The following RBFOX1 variants were observed in gnomAD, a reference collection of about 807,000 sequenced individuals.
RBFOX1 encodes RNA binding fox-1 homolog 1, also known as RNA binding protein fox-1 homolog 1.
Under a neutral mutation model 57.7 loss-of-function variants are expected in RBFOX1, and 8 were observed. The ratio of observed to expected loss-of-function variants is 0.14; its 90% CI spans 0.08 to 0.25. RBFOX1 has a LOEUF of 0.25. Ranked by LOEUF, RBFOX1 falls within the 10% of genes least tolerant of loss-of-function variation. RBFOX1 has a pLI of 1.00. For missense variants in RBFOX1, 611 were observed against 548.5 expected (o/e 1.11, Z -1.14); for synonymous variants, 326 against 222.4 (o/e 1.47, Z -4.15).
At chr16:7,540,095 A>T (rs776518514) in intron 5 of RBFOX1, among the ~76,000 whole-genome samples, 1 of 152,174 alleles carries the variant, frequency 6.6e-6, no homozygotes, top group Non-Finnish European at 1.5e-5. Flanking sequence ...GCAGAAAGAC[A>T]TGTGCCTCAT....
intron 1 of RBFOX1, among the ~76,000 whole-genome samples, chr16:5,449,175 GC>G (rs1465593140): frequency 6.6e-6 from 1 of 152,114 alleles, no homozygotes; most frequent in African/African-American, 2.4e-5. Context: ...CCTGCCCAAA[GC>G]CCCACTCCCG....
At chr16:7,242,296 A>C (rs1230635934) in intron 4 of RBFOX1, among the ~76,000 whole-genome samples, 1 of 152,222 alleles carries the variant, frequency 6.6e-6, no homozygotes, top group African/African-American at 2.4e-5. Context: ...AATAAAACAC[A>C]TGGAAAAATA....
intron 1 of RBFOX1, among the ~76,000 whole-genome samples, chr16:5,255,661 C>T (rs1332172800): frequency 1.3e-5 from 2 of 151,514 alleles, no homozygotes; most frequent in African/African-American, 4.8e-5. Flanking sequence ...TCCATTCATT[C>T]GTCCACCTGC....
At chr16:7,269,132 A>G (rs1274830167) in intron 4 of RBFOX1, among the ~76,000 whole-genome samples, 1 of 152,028 alleles carries the variant, frequency 6.6e-6, no homozygotes. Flanking sequence ...CCTCTGAAAA[A>G]ATATGAAATA....
At chr16:6,027,788 T>C (rs1401022095) in intron 1 of RBFOX1, among the ~76,000 whole-genome samples, 1 of 152,146 alleles carries the variant, frequency 6.6e-6, no homozygotes, top group Non-Finnish European at 1.5e-5. Context: ...CTTCGTATAT[T>C]TTCCTCTTGA....
chr16:6,966,891 C>T (rs1019663581), intron 3 of RBFOX1, among the ~76,000 whole-genome samples: 3 of 111,832 alleles, frequency 2.7e-5, no homozygotes, highest in Non-Finnish European at 5.5e-5. Flanking sequence ...ATCTATTCAT[C>T]TCTCCATCCA....
chr16:6,223,967 C>T (rs181150585), intron 1 of RBFOX1, among the ~76,000 whole-genome samples: 9 of 152,250 alleles, frequency 5.9e-5, no homozygotes, highest in Non-Finnish European at 8.8e-5. Context: ...GACTCCTTTC[C>T]CCATTGCTTG....
At chr16:5,264,106 C>G (rs2062802916) in intron 1 of RBFOX1, among the ~76,000 whole-genome samples, 2 of 151,882 alleles carry the variant, frequency 1.3e-5, no homozygotes, top group Non-Finnish European at 2.9e-5. Context: ...GAAGGTAAAG[C>G]AAGAAGGAAA....
chr16:7,460,407 GTGTGTGTGTGTA>G lies in RBFOX1; in HGVS notation c.28-57738_28-57727del, dbSNP rs1272424708. Among the ~76,000 whole-genome samples, 31 of 64,846 alleles carry G rather than the reference GTGTGTGTGTGTA, an allele frequency of 4.8e-4. No homozygotes were observed. In the South Asian group the frequency reaches 0.014, roughly 29 times the overall value. 42.5% of individuals were successfully genotyped at this position (64,846 alleles called of 152,430 possible). On this transcript the variant is annotated intron_variant, in intron 4 of 15. Coordinates refer to ENST00000550418, the MANE Select transcript of RBFOX1 (RefSeq NM_018723.4). ...TATATATATGTGTGTGTGTGTGTGT[GTGTGTGTGTGTA>G]TATACATATGTGTGTGTATATATGT...
intron 1 of RBFOX1, among the ~76,000 whole-genome samples, chr16:6,070,873 A>G (rs1198791023): frequency 6.6e-6 from 1 of 151,620 alleles, no homozygotes; most frequent in Non-Finnish European, 1.5e-5. Flanking sequence ...ATTTGACAGT[A>G]GCCGTATAAT....
intron 2 of RBFOX1, among the ~76,000 whole-genome samples, chr16:5,514,319 G>A (rs2043711671): frequency 6.6e-6 from 1 of 152,186 alleles, no homozygotes; most frequent in African/African-American, 2.4e-5. Flanking sequence ...GGGACAGACA[G>A]GCTCGTCTGG....
intron 4 of RBFOX1, among the ~76,000 whole-genome samples, chr16:7,386,795 A>G (rs987873943): frequency 6.6e-6 from 1 of 152,124 alleles, no homozygotes; most frequent in Non-Finnish European, 1.5e-5. Flanking sequence ...TCCTTGAGGA[A>G]TCGCCACACT....
At chr16:7,635,389 A>G (rs1425897585) in intron 11 of RBFOX1, among the ~76,000 whole-genome samples, 2 of 152,234 alleles carry the variant, frequency 1.3e-5, no homozygotes, top group East Asian at 3.8e-4. Context: ...TACAATAGTA[A>G]CAGGTGCTCA....
intron 2 of RBFOX1, among the ~76,000 whole-genome samples, chr16:6,323,179 T>G (rs889704823): frequency 6.6e-6 from 1 of 152,216 alleles, no homozygotes; most frequent in Non-Finnish European, 1.5e-5. Context: ...TTCCTTCTGC[T>G]TCTTTATTGT....
intron 4 of RBFOX1, among the ~76,000 whole-genome samples, chr16:7,185,922 C>G (rs528845079): frequency 6.6e-6 from 1 of 152,162 alleles, no homozygotes; most frequent in Non-Finnish European, 1.5e-5. Flanking sequence ...CCACTGGTGA[C>G]TCACTTCCTG....
At chr16:6,522,656 C>T (rs117955081) in intron 2 of RBFOX1, among the ~76,000 whole-genome samples, 5 of 152,218 alleles carry the variant, frequency 3.3e-5, no homozygotes, top group Admixed American at 2.0e-4. Context: ...GGGGTTAATA[C>T]TAATAACCAG....
chr16:5,328,824 C>G (rs563258219), intron 1 of RBFOX1, among the ~76,000 whole-genome samples: 1 of 152,166 alleles, frequency 6.6e-6, no homozygotes. Context: ...ATGTGAAATT[C>G]ACAAAGAGAA....
intron 3 of RBFOX1, among the ~76,000 whole-genome samples, chr16:6,682,595 C>T (rs1238870871): frequency 6.6e-6 from 1 of 151,976 alleles, no homozygotes; most frequent in Non-Finnish European, 1.5e-5. Flanking sequence ...GGGTGCTGAG[C>T]AGCAGTTCTG....
At chr16:6,379,060 G>A (rs551641965) in intron 2 of RBFOX1, among the ~76,000 whole-genome samples, 2 of 152,292 alleles carry the variant, frequency 1.3e-5, no homozygotes, top group South Asian at 4.2e-4. Flanking sequence ...TAGGACTGAG[G>A]AAGGAGGAGG....
Sources: allele counts gnomAD v4.1 joint callset (sites outside exome capture counted in the v4.1 genomes callset), GRCh38; gene constraint gnomAD v4.1.1; transcripts MANE v1.5; gene names NCBI Gene and HGNC (gene_info 2026-07-23, HGNC 2026-07-21).